The following EIF4EBP3 variants were observed in gnomAD, a reference collection of about 807,000 sequenced individuals.
EIF4EBP3 encodes eukaryotic translation initiation factor 4E-binding protein 3.
In EIF4EBP3, 11 loss-of-function variants were observed where a neutral mutation model predicts 12.1. That is an observed-to-expected ratio of 0.91 (90% CI 0.57 to 1.51). EIF4EBP3 has a LOEUF of 1.51. Ranked by LOEUF, EIF4EBP3 falls within the 40% of genes most tolerant of loss-of-function variation. EIF4EBP3 has a pLI of 0.00. For synonymous variants in EIF4EBP3, 43 were observed against 54.2 expected (o/e 0.79, Z 0.91); for missense variants, 136 against 131.8 (o/e 1.03, Z -0.16).
In EIF4EBP3 at chr5:140,547,835, C is replaced by T. The variant is rs748460833; in HGVS notation, c.98C>T (p.Pro33Leu). 22 of 1,452,678 alleles carry T rather than the reference C, an allele frequency of 1.5e-5. No homozygotes were observed. Among genetic ancestry groups the T allele is most frequent in the Non-Finnish European group, 1.9e-5 (21 of 1,098,510 alleles). 90.0% of individuals were successfully genotyped at this position (1,452,678 alleles called of 1,614,324 possible). ...GGGGGCACGCTATACGCCACTACCCCCGGAGGTCAGCGGGCCGGGCAGGGG... is the reference window on the plus strand; with the variant it reads ...GGGGGCACGCTATACGCCACTACCCTCGGAGGTCAGCGGGCCGGGCAGGGG... ...TPGGTLYATT[P>L]GGTRIIYDRK... is the part of the protein sequence containing the mutation. The change falls in exon 1 of 3, where the codon CCC becomes CTC. Residue 33 changes from proline to leucine, a missense_variant. Coordinates refer to ENST00000310331, the MANE Select transcript of EIF4EBP3 (RefSeq NM_003732.3).
Position 140,549,537 on chromosome 5 carries a change from G to C in EIF4EBP3, c.*275G>C, listed in dbSNP as rs1350914796. On this transcript the variant is annotated 3_prime_UTR_variant, in exon 3 of 3. Transcript: ENST00000310331. ...TCAGGGGCTGGAACTGGGGAATGGA[G>C]TAAGTCACCTTCTGACTGCTTAGTA... is the stretch of plus-strand genomic sequence containing the variant. 5.6e-6 allele frequency: 3 copies of C among 537,630 alleles called. No individual in the cohort carries two copies. The East Asian group carries it at 9.7e-5, about 17-fold the overall frequency. 33.3% of individuals were successfully genotyped at this position (537,630 alleles called of 1,614,324 possible). A position where few individuals can be genotyped will look rare whatever the true frequency, so the allele number is the denominator to read the frequency against.
In EIF4EBP3 at chr5:140,549,070, A is replaced by G; in HGVS notation, c.268A>G (p.Ile90Val). 1 of 1,614,086 alleles carries G rather than the reference A, an allele frequency of 6.2e-7. No homozygotes were observed. Among genetic ancestry groups the G allele is most frequent in the South Asian group, 1.1e-5 (1 of 91,084 alleles). Residue 90 changes from isoleucine (I) to valine (V), a missense_variant, in exon 2 of 3, where the codon ATA becomes GTA. Transcript: ENST00000310331. Reference sequence around the variant, plus strand: ...GAAGGAGCAGGAGACAGAGGAAGAGATACCCGGTAAGGAAAGCAGGAATTA... The same window carrying G: ...GAAGGAGCAGGAGACAGAGGAAGAGGTACCCGGTAAGGAAAGCAGGAATTA... Reference protein sequence around the residue: ...ELKEQETEEEIPDDAQFEMDI With the variant: ...ELKEQETEEEVPDDAQFEMDI
intron 2 of EIF4EBP3, 45 bp from the exon 3 acceptor site, chr5:140,549,189 G>C: frequency 6.2e-7 from 1 of 1,614,218 alleles, no homozygotes. Flanking sequence ...TGAGCCTGCA[G>C]ATCCTCAGAC....
Position 140,547,702 on chromosome 5 carries a change from C to T in EIF4EBP3, c.-36C>T. 1.3e-6 allele frequency: 2 copies of T among 1,533,366 alleles called. No homozygotes were observed. Among genetic ancestry groups the T allele is most frequent in the Non-Finnish European group, 1.8e-6 (2 of 1,133,154 alleles). 95.0% of individuals were successfully genotyped at this position (1,533,366 alleles called of 1,614,324 possible). A position where few individuals can be genotyped will look rare whatever the true frequency, so the allele number is the denominator to read the frequency against. On this transcript the variant is annotated 5_prime_UTR_variant, in exon 1 of 3. It adds an upstream start codon to the 5' untranslated region. Transcript: ENST00000310331. ...TCAGAGCTGCGCTCCTCGACCTCAA[C>T]GCCAGGCGGTTACTTTGCTGCTCCT...
chr5:140,548,741 C>A (rs947931984), intron 1 of EIF4EBP3, among the ~76,000 whole-genome samples, 165 bp from the exon 2 acceptor site: 1 of 152,150 alleles, frequency 6.6e-6, no homozygotes, highest in Non-Finnish European at 1.5e-5. Flanking sequence ...ACTATGAAGG[C>A]TTGTCTGCTG....
intron 1 of EIF4EBP3, among the ~76,000 whole-genome samples, chr5:140,548,680 G>GC (rs914377580): frequency 2.6e-5 from 4 of 152,084 alleles, no homozygotes; most frequent in African/African-American, 7.2e-5. Flanking sequence ...CAGCTGGGAT[G>GC]CCCCCCTTGC....
rs1023338688 is a variant in EIF4EBP3 at position 140,549,389 on chromosome 5, G to C, written c.*127G>C. 2 of 1,518,066 alleles carry C rather than the reference G, an allele frequency of 1.3e-6. No homozygotes were observed. Among genetic ancestry groups the C allele is most frequent in the Non-Finnish European group, 1.8e-6 (2 of 1,098,598 alleles). The allele number at this position is 1,518,066 out of a possible 1,614,324, so 94.0% of individuals were successfully genotyped here. ...TAATCTGGAAGGGAGTGACTTGTTA[G>C]TTCCAGGCCTCCTTTAGTTCTGAGG... On this transcript the variant is annotated 3_prime_UTR_variant, in exon 3 of 3. Coordinates refer to ENST00000310331, the MANE Select transcript of EIF4EBP3 (RefSeq NM_003732.3).
intron 1 of EIF4EBP3, among the ~76,000 whole-genome samples, chr5:140,548,541 C>A (rs1484615595): frequency 6.6e-6 from 1 of 152,168 alleles, no homozygotes; most frequent in Admixed American, 6.5e-5. Flanking sequence ...GTCTCACCTT[C>A]ACTGGTGAGA....
chr5:140,547,886 C>T, intron 1 of EIF4EBP3, 46 bp downstream of exon 1: 1 of 1,363,158 alleles, frequency 7.3e-7, no homozygotes, highest in Non-Finnish European at 9.6e-7. Flanking sequence ...CATATTAGCG[C>T]GTGCGTGTTG....
rs183641841 is a variant in EIF4EBP3 at position 140,548,901 on chromosome 5, G to C, written c.104-5G>C. 13 of 1,612,142 alleles carry C rather than the reference G, an allele frequency of 8.1e-6. No homozygotes were observed. In the African/African-American group the frequency reaches 1.7e-4, roughly 22 times the overall value. Reference sequence around the variant, plus strand: ...ACTCTTACCTCAGTCCCAACCCCTTGACAGGCACCAGGATCATCTACGACC... The same window carrying C: ...ACTCTTACCTCAGTCCCAACCCCTTCACAGGCACCAGGATCATCTACGACC... On this transcript the variant is annotated splice_polypyrimidine_tract_variant and splice_region_variant and intron_variant, in intron 1 of 2. Coordinates refer to ENST00000310331, the MANE Select transcript of EIF4EBP3 (RefSeq NM_003732.3).
At chr5:140,547,966 T>TG in intron 1 of EIF4EBP3, 126 bp downstream of exon 1, 1 of 734,410 alleles carries the variant, frequency 1.4e-6, no homozygotes, top group Non-Finnish European at 2.0e-6. Context: ...GTTGTAGCTT[T>TG]GGGGGAGAAT....
intron 1 of EIF4EBP3, among the ~76,000 whole-genome samples, chr5:140,548,197 TAGTTAGAAC>T (rs1240946608): frequency 1.3e-5 from 2 of 151,542 alleles, no homozygotes; most frequent in Admixed American, 6.6e-5. Flanking sequence ...AGAAGTGGAG[TAGTTAGAAC>T]AGTTGGGGCA....
intron 1 of EIF4EBP3, among the ~76,000 whole-genome samples, 197 bp downstream of exon 1, chr5:140,548,037 A>C (rs1754420897): frequency 6.6e-6 from 1 of 152,214 alleles, no homozygotes; most frequent in African/African-American, 2.4e-5. Flanking sequence ...CCATGAGCCT[A>C]GCTTCCGGGT....
chr5:140,548,792 C>T (rs1294112488), intron 1 of EIF4EBP3, 114 bp from the exon 2 acceptor site: 2 of 1,409,906 alleles, frequency 1.4e-6, no homozygotes, highest in Non-Finnish European at 1.9e-6. Flanking sequence ...CTTTGATACA[C>T]AGGGAAATTT....
chr5:140,548,954 C>T lies in EIF4EBP3; in HGVS notation c.152C>T (p.Ser51Leu), dbSNP rs983563955. 1.2e-6 allele frequency: 2 copies of T among 1,614,054 alleles called. No homozygotes were observed. Among genetic ancestry groups the T allele is most frequent in the Admixed American group, 1.7e-5 (1 of 60,000 alleles). The change falls in exon 2 of 3, where the codon TCA becomes TTA. Residue 51 changes from serine (S) to leucine (L), a missense_variant. Coordinates refer to ENST00000310331, the MANE Select transcript of EIF4EBP3 (RefSeq NM_003732.3). ...DRKFLLECKN[S>L]PIARTPPCCL... ...AAGTTCCTGCTGGAGTGCAAGAACT[C>T]ACCCATTGCCCGGACACCCCCCTGC...
At position 140,547,863 on chromosome 5, in the gene EIF4EBP3, C is replaced by T. The variant is rs1473185564; in HGVS notation, c.103+23C>T. 1.2e-5 allele frequency: 17 copies of T among 1,415,126 alleles called. No individual in the cohort carries two copies. The South Asian group carries it at 2.4e-4, about 20-fold the overall frequency. The allele number at this position is 1,415,126 out of a possible 1,614,324, so 87.7% of individuals were successfully genotyped here. On this transcript the variant is annotated intron_variant, in intron 1 of 2. Transcript: ENST00000310331. The stretch of plus-strand genomic sequence containing the variant: ...GAGGTCAGCGGGCCGGGCAGGGGTC[C>T]GCAGGCTGCGGACATATTAGCGCGT...
In EIF4EBP3 at chr5:140,547,742, C is replaced by T. The variant is rs1490411361; in HGVS notation, c.5C>T (p.Ser2Leu). 3 of 1,546,494 alleles carry T rather than the reference C, an allele frequency of 1.9e-6. No homozygotes were observed. The highest frequency in any genetic ancestry group is 2.8e-5 in the African/African-American group (2 of 72,570). Residue 2 changes from serine to leucine, a missense_variant, in exon 1 of 3, where the codon TCA (serine) becomes TTA (leucine). Physicochemically the swap from Ser to Leu is moderately radical, Grantham distance 145. Transcript: ENST00000310331. M[S>L]TSTSCPIPGG... Reference sequence around the variant, plus strand: ...TTGCTGCTCCTCCCGCTCGCTATGTCAACGTCCACTAGCTGCCCGATTCCC... The same window carrying T: ...TTGCTGCTCCTCCCGCTCGCTATGTTAACGTCCACTAGCTGCCCGATTCCC...
At chr5:140,547,876 C>T (rs1388821808) in intron 1 of EIF4EBP3, 36 bp downstream of exon 1, 2 of 1,360,170 alleles carry the variant, frequency 1.5e-6, no homozygotes, top group South Asian at 3.1e-5. Flanking sequence ...AGGCTGCGGA[C>T]ATATTAGCGC....
Position 140,547,816 on chromosome 5 carries a change from A to G in EIF4EBP3, c.79A>G (p.Thr27Ala), listed in dbSNP as rs1054879786. The change falls in exon 1 of 3, where the codon ACG becomes GCG. Residue 27 changes from threonine to alanine, a missense_variant. Coordinates refer to ENST00000310331, the MANE Select transcript of EIF4EBP3 (RefSeq NM_003732.3). ...PDCYSTTPGG[T>A]LYATTPGGTR... ...CTGCTACAGCACCACGCCGGGGGGC[A>G]CGCTATACGCCACTACCCCCGGAGG... is the stretch of plus-strand genomic sequence containing the variant. 2 of 1,519,268 alleles carry G rather than the reference A, an allele frequency of 1.3e-6. No individual in the cohort carries two copies. The highest frequency in any genetic ancestry group is 2.8e-5 in the African/African-American group (2 of 71,464). The allele number at this position is 1,519,268 out of a possible 1,614,324, so 94.1% of individuals were successfully genotyped here.
Sources: gnomAD v4.1 joint callset for allele counts (sites outside exome capture counted in the v4.1 genomes callset) on GRCh38, gnomAD v4.1.1 for gene constraint, MANE v1.5 for transcripts, NCBI Gene and HGNC (gene_info 2026-07-23, HGNC 2026-07-21) for gene names.